DKC1: variants seen among roughly 807,000 people sequenced by gnomAD.
DKC1 encodes dyskerin pseudouridine synthase 1.
Under a neutral mutation model 46.7 loss-of-function variants are expected in DKC1, and 4 were observed. The ratio of observed to expected loss-of-function variants is 0.09; its 90% CI spans 0.04 to 0.20. The LOEUF is 0.20. Ranked by LOEUF, DKC1 falls within the 10% of genes least tolerant of loss-of-function variation. The pLI is 1.00. For synonymous variants in DKC1, 141 were observed against 142.4 expected (o/e 0.99, Z 0.07); for missense variants, 171 against 404.2 (o/e 0.42, Z 4.95).
intron 3 of DKC1, 51 bp from the exon 4 acceptor site, chrX:154,765,856 C>T (rs781821680): frequency 3.1e-6 from 3 of 983,211 alleles, no homozygotes; most frequent in Non-Finnish European, 4.4e-6. Flanking sequence ...TCTTTTTTTA[C>T]ATGTGCTCAC....
intron 1 of DKC1, among the ~76,000 whole-genome samples, chrX:154,763,821 C>T (rs1317690005): frequency 9.0e-6 from 1 of 111,522 alleles, no homozygotes; most frequent in Non-Finnish European, 1.9e-5. Flanking sequence ...GCAGTTGGGA[C>T]ACAGCGTCGA....
rs2071754474 is a variant in DKC1 at position 154,767,032 on chromosome X, G to A, written c.484G>A (p.Ala162Thr). 1 of 1,211,573 alleles carries A rather than the reference G, an allele frequency of 8.3e-7. No homozygotes were observed. Reference protein sequence around the residue: ...EYVGIVRLHNAIEGGTQLSRA... With the variant: ...EYVGIVRLHNTIEGGTQLSRA... ...TGTGGGGATTGTCCGGCTGCACAAT[G>A]CTATTGAAGGGGGGACCCAGCTTTC... The change falls in exon 6 of 15, where the codon GCT becomes ACT. Residue 162 changes from alanine to threonine, a missense_variant. Transcript: ENST00000369550.
rs1309331114 is a variant in DKC1 at position 154,773,763 on chromosome X, C to T, written c.1155+514C>T. ...TCTTTTCCCCACCTTTCCCGCCTTTCTATTCCACAAAACCGCCATTGCCAT... is the reference window on the plus strand; with the variant it reads ...TCTTTTCCCCACCTTTCCCGCCTTTTTATTCCACAAAACCGCCATTGCCAT... On this transcript the variant is annotated intron_variant, in intron 11 of 14. Transcript: ENST00000369550. Among the ~76,000 whole-genome samples the T allele has an allele frequency of 3.5e-5, 4 of 112,731 alleles. No individual in the cohort carries two copies. In the East Asian group the frequency reaches 8.3e-4, roughly 24 times the overall value.
At chrX:154,767,843 C>CTTTTT (rs35184460) in intron 7 of DKC1, among the ~76,000 whole-genome samples, 57 of 65,166 alleles carry the variant, frequency 8.7e-4, no homozygotes, top group Admixed American at 1.2e-3. Context: ...AATTACAGAT[C>CTTTTT]TTTTTTTTTT....
intron 4 of DKC1, 72 bp from the exon 5 acceptor site, chrX:154,766,144 C>T: frequency 1.8e-6 from 2 of 1,111,962 alleles, no homozygotes; most frequent in Non-Finnish European, 2.5e-6. Flanking sequence ...TTCTTTTTAA[C>T]TTTTCAGATT....
chrX:154,766,108 T>C, intron 4 of DKC1, 108 bp from the exon 5 acceptor site: 1 of 1,004,282 alleles, frequency 1.0e-6, no homozygotes, highest in Non-Finnish European at 1.4e-6. Context: ...CTTGAATATA[T>C]AACCTGTACC....
intron 7 of DKC1, among the ~76,000 whole-genome samples, chrX:154,767,592 G>C (rs1449718296): frequency 2.7e-5 from 3 of 112,125 alleles, no homozygotes; most frequent in Admixed American, 1.9e-4. Context: ...TATGATGACT[G>C]CTTCTGCTGG....
At chrX:154,774,966 C>T in intron 12 of DKC1, 1 of 576,531 alleles carries the variant, frequency 1.7e-6, no homozygotes. Context: ...GAGATTTTGG[C>T]TGCCCAGGCC....
At chrX:154,776,657 C>T in intron 14 of DKC1, 142 bp from the exon 15 acceptor site, 1 of 630,647 alleles carries the variant, frequency 1.6e-6, no homozygotes, top group Admixed American at 2.4e-5. Context: ...CTTTGTGTCA[C>T]ATGCAGCATT....
rs782094431 is a variant in DKC1, at chrX:154,765,452, A to G, written c.93A>G (p.Gln31=). 4 of 1,206,974 alleles carry G rather than the reference A, an allele frequency of 3.3e-6. No homozygotes were observed. The African/African-American group carries it at 7.0e-5, about 21-fold the overall frequency. ...SLPEEDVAEI[Q]HAEEFLIKPE... ...TTTCTGTCCTGTCGAAGGAAATACAACACGCTGAAGAATTTCTTATCAAAC... is the reference window on the plus strand; with the variant it reads ...TTTCTGTCCTGTCGAAGGAAATACAGCACGCTGAAGAATTTCTTATCAAAC... Residue 31 remains glutamine, a synonymous_variant, in exon 3 of 15, where the codon CAA becomes CAG. Transcript: ENST00000369550.
chrX:154,771,412 G>A (rs782353159), intron 10 of DKC1, among the ~76,000 whole-genome samples: 1 of 108,058 alleles, frequency 9.3e-6, no homozygotes, highest in African/African-American at 3.4e-5. Flanking sequence ...GGCTGGTCTC[G>A]AACTTCTGAC....
intron 10 of DKC1, among the ~76,000 whole-genome samples, chrX:154,771,693 T>C (rs782799830): frequency 3.6e-5 from 4 of 111,916 alleles, no homozygotes; most frequent in African/African-American, 1.3e-4. Context: ...TTCAGTTCCA[T>C]CCATGTTGTT....
At chrX:154,773,716 C>T (rs1039059787) in intron 11 of DKC1, among the ~76,000 whole-genome samples, 38 of 112,183 alleles carry the variant, frequency 3.4e-4, no homozygotes, top group African/African-American at 2.0e-4. Context: ...CACACAGACA[C>T]GGCAACCATC....
Position 154,765,364 on chromosome X carries a change from G to A in DKC1, c.85-80G>A. On this transcript the variant is annotated intron_variant, in intron 2 of 14. Coordinates refer to ENST00000369550, the MANE Select transcript of DKC1 (RefSeq NM_001363.5). ...GGAAGCCTTGTTTTCTGTTTAAAAG[G>A]CATACATTTCCATGGCAGTAATGGA... 5 of 796,223 alleles carry A rather than the reference G, an allele frequency of 6.3e-6. No individual in the cohort carries two copies. The South Asian group carries it at 8.2e-5, about 13-fold the overall frequency. 65.6% of individuals were successfully genotyped at this position (796,223 alleles called of 1,213,427 possible).
At chrX:154,773,284 C>CTTTTTTTTTTTTTTTTTTTTTTTATTT in intron 11 of DKC1, 35 bp downstream of exon 11, 3 of 350,610 alleles carry the variant, frequency 8.6e-6, no homozygotes, top group Non-Finnish European at 4.5e-6. Flanking sequence ...CTGCCAGGTT[C>CTTTTTTTTTTTTTTTTTTTTTTTATTT]TTTTTTTTTT....
Position 154,762,991 on chromosome X carries a change from G to T in DKC1, c.16+10G>T. 8.5e-7 allele frequency: 1 copy of T among 1,179,124 alleles called. No homozygotes were observed. Among genetic ancestry groups the T allele is most frequent in the Non-Finnish European group, 1.1e-6 (1 of 878,364 alleles). On this transcript the variant is annotated intron_variant, in intron 1 of 14. Coordinates refer to ENST00000369550, the MANE Select transcript of DKC1 (RefSeq NM_001363.5). ...ATGGCGGATGCGGAAGGTAAGGGCT[G>T]CAGGCTTCCGGGCCGTGCTAACTCC...
intron 1 of DKC1, 113 bp downstream of exon 1, chrX:154,763,094 G>C (rs2071701314): frequency 1.0e-6 from 1 of 963,378 alleles, no homozygotes; most frequent in Admixed American, 2.6e-5. Context: ...CCGGCGTGTC[G>C]GCCTCTTCAC....
At position 154,766,986 on chromosome X, in the gene DKC1, T is replaced by A; in HGVS notation, c.449-11T>A. 8.3e-7 allele frequency: 1 copy of A among 1,210,132 alleles called. No homozygotes were observed. Among genetic ancestry groups the A allele is most frequent in the Non-Finnish European group, 1.1e-6 (1 of 893,858 alleles). On this transcript the variant is annotated splice_polypyrimidine_tract_variant and intron_variant, in intron 5 of 14. Coordinates refer to ENST00000369550, the MANE Select transcript of DKC1 (RefSeq NM_001363.5). ...GTGGCCACACCTGACTACTCTTTTG[T>A]CATTTTTCAGGCAAAGAGTATGTGG...
rs957499763 is a variant in DKC1, at chrX:154,776,967, G to T, written c.*100G>T. ...GAGAGTGGAACATAGGTCCTAGACA[G>T]GGTGAAGAGTTCTGGCACATTTTAG... On this transcript the variant is annotated 3_prime_UTR_variant, in exon 15 of 15. Coordinates refer to ENST00000369550, the MANE Select transcript of DKC1 (RefSeq NM_001363.5). 2 of 733,636 alleles carry T rather than the reference G, an allele frequency of 2.7e-6. No individual in the cohort carries two copies. The highest frequency in any genetic ancestry group is 2.9e-5 in the Admixed American group (1 of 34,949). The allele number at this position is 733,636 out of a possible 1,213,427, so 60.5% of individuals were successfully genotyped here.
Sources: gnomAD v4.1 joint callset for allele counts (sites outside exome capture counted in the v4.1 genomes callset) on GRCh38, gnomAD v4.1.1 for gene constraint, MANE v1.5 for transcripts, NCBI Gene and HGNC (gene_info 2026-07-23, HGNC 2026-07-21) for gene names.